The following FOCAD variants were observed in gnomAD, a reference collection of about 807,000 sequenced individuals.
FOCAD encodes the protein KIAA1797.
A neutral mutation model predicts 225.6 loss-of-function variants in FOCAD; 198 were observed. The ratio of observed to expected loss-of-function variants is 0.88; its 90% CI spans 0.78 to 0.99. The LOEUF (loss-of-function observed/expected upper bound fraction) is 0.99. FOCAD is among the 50% of genes least tolerant of loss of function. The probability of loss-of-function intolerance (pLI) is 0.00; values close to 1 mark genes in which losing one functional copy is unlikely to be tolerated. For missense variants in FOCAD, 2,713 were observed against 2,123.6 expected (o/e 1.28, Z -5.46); for synonymous variants, 897 against 755.0 (o/e 1.19, Z -3.08).
Position 20,791,237 on chromosome 9 carries a change from T to TCACACA in FOCAD, c.1455+1650_1455+1655dup, listed in dbSNP as rs10652100. Among the ~76,000 whole-genome samples, 732 of 148,540 alleles carry TCACACA rather than the reference T, an allele frequency of 4.9e-3. 4 individuals carry two copies. The highest frequency in any genetic ancestry group is 9.1e-3 in the East Asian group (46 of 5,028). On this transcript the variant is annotated intron_variant, in intron 11 of 43. Transcript: ENST00000338382. ...TATGCATGCACACACACACACACAC[T>TCACACA]CACACACACACACACACACACACAC...
chr9:20,927,049 C>G (rs1232983402), intron 26 of FOCAD, among the ~76,000 whole-genome samples: 1 of 150,172 alleles, frequency 6.7e-6, no homozygotes, highest in African/African-American at 2.4e-5. Flanking sequence ...AAAGAAATAC[C>G]AATGTGTAGT....
At chr9:20,714,041 C>A (rs944523101) in intron 1 of FOCAD, among the ~76,000 whole-genome samples, 4 of 152,044 alleles carry the variant, frequency 2.6e-5, no homozygotes, top group African/African-American at 9.7e-5. Context: ...GATAAATTAC[C>A]CATTCAGGGA....
intron 5 of FOCAD, among the ~76,000 whole-genome samples, chr9:20,748,600 G>T (rs1051494663): frequency 2.0e-5 from 3 of 152,122 alleles, no homozygotes; most frequent in African/African-American, 7.2e-5. Flanking sequence ...TCCTGAAAAA[G>T]CCCAATGGAG....
Position 20,866,917 on chromosome 9 carries a change from T to TTTTTTTTTTAAA in FOCAD, c.2107-12_2107-11insTTTTTTTTTAAA. On this transcript the variant is annotated splice_polypyrimidine_tract_variant and intron_variant, in intron 17 of 43. Transcript: ENST00000338382. ...TTTTTTTTTTTTTTTTTTTTTTTTT[T>TTTTTTTTTTAAA]ACCCTATCTAGGACCCAATTGTAGC... is the stretch of plus-strand genomic sequence containing the variant. 2 of 764,970 alleles carry TTTTTTTTTTAAA rather than the reference T, an allele frequency of 2.6e-6. No homozygotes were observed. The highest frequency in any genetic ancestry group is 2.0e-5 in the African/African-American group (1 of 48,872). The allele number at this position is 764,970 out of a possible 1,614,324, so 47.4% of individuals were successfully genotyped here. A position where few individuals can be genotyped will look rare whatever the true frequency, so the allele number is the denominator to read the frequency against.
chr9:20,781,214 T>G (rs1011851968), intron 9 of FOCAD, among the ~76,000 whole-genome samples: 6 of 152,240 alleles, frequency 3.9e-5, no homozygotes, highest in Non-Finnish European at 7.3e-5. Flanking sequence ...ACTAATTTTT[T>G]TTGTTGTTGT....
intron 28 of FOCAD, 21 bp downstream of exon 28, chr9:20,933,124 C>T (rs1036937621): frequency 6.5e-7 from 1 of 1,549,830 alleles, no homozygotes; most frequent in Non-Finnish European, 8.9e-7. Context: ...CCTATTTCCA[C>T]TCTCACAGGT....
At chr9:20,681,326 G>A (rs912023662), upstream of FOCAD, among the ~76,000 whole-genome samples, 4 of 152,086 alleles carry the variant, frequency 2.6e-5, no homozygotes, top group Admixed American at 1.3e-4. Flanking sequence ...TGAACTCCTG[G>A]CCTCAAGTTA....
rs561980279 is a variant in FOCAD at position 20,741,451 on chromosome 9, A to G, written c.392+1111A>G. Among the ~76,000 whole-genome samples, 22 of 152,190 alleles carry G rather than the reference A, an allele frequency of 1.4e-4. No homozygotes were observed. The South Asian group carries it at 4.4e-3, about 30-fold the overall frequency. The stretch of plus-strand genomic sequence containing the variant: ...TATTTGTGATCTCTTATTTTTATGA[A>G]TACATTATTGTTTCTTAAGGCATTT... On this transcript the variant is annotated intron_variant, in intron 5 of 43. Transcript: ENST00000338382.
At chr9:20,927,377 CATT>C (rs1393692442) in intron 26 of FOCAD, among the ~76,000 whole-genome samples, 1 of 152,112 alleles carries the variant, frequency 6.6e-6, no homozygotes, top group Non-Finnish European at 1.5e-5. Context: ...CTTACTTCAT[CATT>C]CTTATTTTTC....
rs1842013097 is a variant in FOCAD at position 20,995,743 on chromosome 9, G to C, written c.*114G>C. 7.5e-6 allele frequency: 7 copies of C among 931,298 alleles called. No homozygotes were observed. In the South Asian group the frequency reaches 1.1e-4, roughly 14 times the overall value. 57.7% of individuals were successfully genotyped at this position (931,298 alleles called of 1,614,324 possible). On this transcript the variant is annotated 3_prime_UTR_variant, in exon 44 of 44. Transcript: ENST00000338382. ...GCTGAGACATGATGCAGAGAGTTAA[G>C]GGTCATGAAAAGATGGCCACATCAC...
intron 18 of FOCAD, among the ~76,000 whole-genome samples, chr9:20,872,628 T>C (rs1829888456): frequency 6.6e-6 from 1 of 151,906 alleles, no homozygotes; most frequent in South Asian, 2.1e-4. Flanking sequence ...CTCTTTTCTT[T>C]TCTTTCTTGC....
chr9:20,966,038 GTA>G (rs911049044), intron 35 of FOCAD, among the ~76,000 whole-genome samples: 1 of 151,968 alleles, frequency 6.6e-6, no homozygotes, highest in Non-Finnish European at 1.5e-5. Context: ...TTCTCTTGGT[GTA>G]TATATATATC....
At chr9:20,758,968 C>T (rs1472880851) in intron 6 of FOCAD, among the ~76,000 whole-genome samples, 1 of 152,010 alleles carries the variant, frequency 6.6e-6, no homozygotes, top group African/African-American at 2.4e-5. Context: ...TCTTATACAC[C>T]AATAACAGAC....
chr9:20,899,442 C>A (rs1347967475), intron 21 of FOCAD, among the ~76,000 whole-genome samples: 2 of 152,060 alleles, frequency 1.3e-5, no homozygotes, highest in East Asian at 3.9e-4. Flanking sequence ...AGCTGTGATT[C>A]TCTCTGTAGC....
chr9:20,807,469 T>A (rs1822582992), intron 11 of FOCAD, among the ~76,000 whole-genome samples: 2 of 152,246 alleles, frequency 1.3e-5, no homozygotes, highest in Admixed American at 1.3e-4. Flanking sequence ...TGAACACAAA[T>A]AGGTGAAATT....
At chr9:20,974,278 T>C (rs200300487) in intron 35 of FOCAD, among the ~76,000 whole-genome samples, 24,089 of 110,456 alleles carry the variant, frequency 0.22, 224 homozygotes, top group East Asian at 0.3. Flanking sequence ...GTCTCTGCCC[T>C]ACTTCCCCCT....
intron 21 of FOCAD, among the ~76,000 whole-genome samples, chr9:20,897,312 A>G (rs1163791579): frequency 1.3e-5 from 2 of 151,682 alleles, no homozygotes; most frequent in African/African-American, 4.8e-5. Flanking sequence ...TGTAGACAAC[A>G]TGTAGTTGGG....
chr9:20,917,303 G>C, intron 24 of FOCAD, among the ~76,000 whole-genome samples: 1 of 151,912 alleles, frequency 6.6e-6, no homozygotes, highest in Non-Finnish European at 1.5e-5. Context: ...AGTTATGTTG[G>C]TAGTACTTCC....
chr9:20,707,258 A>G (rs1824465556), intron 1 of FOCAD, among the ~76,000 whole-genome samples: 1 of 152,176 alleles, frequency 6.6e-6, no homozygotes, highest in African/African-American at 2.4e-5. Context: ...GGCTAAGATA[A>G]AAGTATTTTC....
Sources: gnomAD v4.1 joint callset for allele counts (sites outside exome capture counted in the v4.1 genomes callset) on GRCh38, gnomAD v4.1.1 for gene constraint, MANE v1.5 for transcripts, NCBI Gene and HGNC (gene_info 2026-07-23, HGNC 2026-07-21) for gene names.